The following CNTNAP5 variants were observed in gnomAD, a reference collection of about 807,000 sequenced individuals.
CNTNAP5 encodes contactin-associated protein-like 5.
In CNTNAP5, 72 loss-of-function variants were observed where a neutral mutation model predicts 150.2. The observed-to-expected ratio is 0.48, with a 90% CI of 0.40 to 0.58. CNTNAP5 has a LOEUF of 0.58. Among genes scored for constraint, CNTNAP5 ranks in the 20% least tolerant of loss-of-function variants. CNTNAP5 has a pLI of 0.00. For synonymous variants in CNTNAP5, 672 were observed against 619.8 expected (o/e 1.08, Z -1.25); for missense variants, 1,636 against 1,626.2 (o/e 1.01, Z -0.10).
At chr2:124,336,084 A>G (rs1321903898) in intron 3 of CNTNAP5, among the ~76,000 whole-genome samples, 1 of 152,206 alleles carries the variant, frequency 6.6e-6, no homozygotes, top group East Asian at 1.9e-4. Context: ...AAGCGTAGTA[A>G]ATGTTTTTTA....
chr2:124,677,786 G>A (rs1389173093), intron 13 of CNTNAP5, among the ~76,000 whole-genome samples: 2 of 151,814 alleles, frequency 1.3e-5, no homozygotes, highest in African/African-American at 2.4e-5. Context: ...TGATTGGTGC[G>A]TTTACAATCC....
At chr2:124,109,020 T>A (rs1034374895) in intron 1 of CNTNAP5, among the ~76,000 whole-genome samples, 4 of 152,064 alleles carry the variant, frequency 2.6e-5, no homozygotes, top group Non-Finnish European at 5.9e-5. Flanking sequence ...AGTAGGAGCA[T>A]ACATCCTGGG....
Position 124,025,593 on chromosome 2 carries a change from C to G in CNTNAP5, c.-58C>G. On this transcript the variant is annotated 5_prime_UTR_variant, in exon 1 of 24. Transcript: ENST00000682447. Reference sequence around the variant, plus strand: ...GAGGAGAGAGACAGCGAGAAGAAGCCGCGGCTGGCTACTGCGAATTTGGGA... The same window carrying G: ...GAGGAGAGAGACAGCGAGAAGAAGCGGCGGCTGGCTACTGCGAATTTGGGA... 4 of 1,512,312 alleles carry G rather than the reference C, an allele frequency of 2.6e-6. No individual in the cohort carries two copies. The highest frequency in any genetic ancestry group is 2.2e-5 in the South Asian group (2 of 89,010). 93.7% of individuals were successfully genotyped at this position (1,512,312 alleles called of 1,614,324 possible).
chr2:124,258,791 T>A (rs1444850436), intron 3 of CNTNAP5, among the ~76,000 whole-genome samples: 2 of 152,188 alleles, frequency 1.3e-5, no homozygotes, highest in South Asian at 2.1e-4. Flanking sequence ...ATAGGACATG[T>A]ATGCATCATT....
At chr2:124,748,741 T>G (rs1257020083) in intron 14 of CNTNAP5, among the ~76,000 whole-genome samples, 1 of 152,148 alleles carries the variant, frequency 6.6e-6, no homozygotes, top group East Asian at 1.9e-4. Context: ...TCCTAGGAGA[T>G]GTGTATTATC....
At chr2:124,101,124 G>T (rs1418676967) in intron 1 of CNTNAP5, among the ~76,000 whole-genome samples, 1 of 152,088 alleles carries the variant, frequency 6.6e-6, no homozygotes, top group South Asian at 2.1e-4. Context: ...CGAATGCTTG[G>T]AAGATTCACA....
intron 19 of CNTNAP5, among the ~76,000 whole-genome samples, chr2:124,823,980 G>A (rs7606120): frequency 0.05 from 7,466 of 150,730 alleles, 549 homozygotes; most frequent in African/African-American, 0.16. Context: ...GTGCAATGGC[G>A]GGATCTCGGC....
At chr2:124,600,408 G>T (rs1429022158) in intron 11 of CNTNAP5, among the ~76,000 whole-genome samples, 1 of 152,042 alleles carries the variant, frequency 6.6e-6, no homozygotes, top group East Asian at 1.9e-4. Flanking sequence ...CAGTAGATGA[G>T]CCCATCTGGC....
At chr2:124,686,892 A>G (rs987515443) in intron 13 of CNTNAP5, among the ~76,000 whole-genome samples, 2 of 152,158 alleles carry the variant, frequency 1.3e-5, no homozygotes, top group Admixed American at 6.6e-5. Flanking sequence ...TAAAAATCCC[A>G]AGTAAATTCT....
rs966870698 is a variant in CNTNAP5 at position 124,915,521 on chromosome 2, G to A, written c.*1233G>A. On this transcript the variant is annotated 3_prime_UTR_variant, in exon 24 of 24. Coordinates refer to ENST00000682447, the MANE Select transcript of CNTNAP5 (RefSeq NM_001367498.1). ...AGAAGTTTAGGATGCATTAACATAA[G>A]TGAAATGGTCACCTCTAGCTAACTA... Among the ~76,000 whole-genome samples, 1 of 152,022 alleles carries A rather than the reference G, an allele frequency of 6.6e-6. No individual in the cohort carries two copies. The highest frequency in any genetic ancestry group is 2.4e-5 in the African/African-American group (1 of 41,428).
intron 21 of CNTNAP5, among the ~76,000 whole-genome samples, chr2:124,878,210 G>A (rs769441254): frequency 1.9e-4 from 29 of 152,202 alleles, no homozygotes; most frequent in Admixed American, 1.1e-3. Flanking sequence ...TTTAATCATG[G>A]AGAGAGGATG....
intron 19 of CNTNAP5, among the ~76,000 whole-genome samples, chr2:124,824,816 A>G (rs1682560128): frequency 6.6e-6 from 1 of 152,182 alleles, no homozygotes; most frequent in African/African-American, 2.4e-5. Context: ...ACTAATTCCT[A>G]CAGGACTGTC....
chr2:124,111,366 A>G (rs1683295213), intron 1 of CNTNAP5, among the ~76,000 whole-genome samples: 1 of 152,144 alleles, frequency 6.6e-6, no homozygotes, highest in Non-Finnish European at 1.5e-5. Context: ...ATTAAACTGG[A>G]GGCTCCTTTC....
chr2:124,208,682 C>T (rs1685926829), intron 1 of CNTNAP5, among the ~76,000 whole-genome samples: 1 of 152,176 alleles, frequency 6.6e-6, no homozygotes, highest in African/African-American at 2.4e-5. Flanking sequence ...AAATAAATAG[C>T]TCTCATCCCC....
chr2:124,340,484 A>T (rs1163607340), intron 3 of CNTNAP5, among the ~76,000 whole-genome samples: 1 of 152,058 alleles, frequency 6.6e-6, no homozygotes, highest in Non-Finnish European at 1.5e-5. Context: ...GTGCCCAAAT[A>T]ATATACCATA....
At chr2:124,431,569 T>C (rs1394927564) in intron 4 of CNTNAP5, among the ~76,000 whole-genome samples, 1 of 143,612 alleles carries the variant, frequency 7.0e-6, no homozygotes, top group Non-Finnish European at 1.5e-5. Flanking sequence ...TTTCTTTATA[T>C]AAACATTATA....
At chr2:124,331,635 T>C (rs148072488) in intron 3 of CNTNAP5, among the ~76,000 whole-genome samples, 2 of 152,026 alleles carry the variant, frequency 1.3e-5, no homozygotes, top group Non-Finnish European at 2.9e-5. Flanking sequence ...GATCACAGAT[T>C]ATTACAAAAT....
chr2:124,363,953 A>G (rs1383508498), intron 3 of CNTNAP5, among the ~76,000 whole-genome samples: 1 of 152,162 alleles, frequency 6.6e-6, no homozygotes, highest in African/African-American at 2.4e-5. Context: ...TCCCATGACA[A>G]TGTCCTGCTT....
intron 3 of CNTNAP5, among the ~76,000 whole-genome samples, chr2:124,331,080 T>C (rs1011643604): frequency 6.6e-6 from 1 of 152,076 alleles, no homozygotes; most frequent in South Asian, 2.1e-4. Flanking sequence ...TCCTTTTTTT[T>C]CCATATATCT....
Sources: allele counts gnomAD v4.1 joint callset (sites outside exome capture counted in the v4.1 genomes callset), GRCh38; gene constraint gnomAD v4.1.1; transcripts MANE v1.5; gene names NCBI Gene and HGNC (gene_info 2026-07-23, HGNC 2026-07-21).